The following RBFOX1 variants were observed in gnomAD, a reference collection of about 807,000 sequenced individuals.
RBFOX1 encodes RNA binding protein fox-1 homolog 1.
Under a neutral mutation model 57.7 loss-of-function variants are expected in RBFOX1, and 8 were observed. That is an observed-to-expected ratio of 0.14 (90% confidence interval 0.08 to 0.25). The LOEUF is 0.25. Among genes scored for constraint, RBFOX1 ranks in the 10% least tolerant of loss-of-function variants. The pLI, the probability that RBFOX1 is intolerant of heterozygous loss-of-function variation, is 1.00. For synonymous variants in RBFOX1, 326 were observed against 222.4 expected, an observed-to-expected ratio of 1.47 and a Z score of -4.15; for missense variants, 611 against 548.5, an observed-to-expected ratio of 1.11 and a Z score of -1.14.
At position 7,572,489 on chromosome 16, in the gene RBFOX1, G is replaced by C. The variant is rs1193215264; in HGVS notation, c.271-7288G>C. Among the ~76,000 whole-genome samples the C allele has an allele frequency of 2.6e-5, 4 of 152,168 alleles. No homozygotes were observed. The East Asian group carries it at 7.7e-4, about 29-fold the overall frequency. ...CGGGTAGGCGACTGGCATGTGGTGG[G>C]TGGAGGCCAGTGATGCTGTTGAACA... On this transcript the variant is annotated intron_variant, in intron 5 of 15. Coordinates refer to ENST00000550418, the MANE Select transcript of RBFOX1 (RefSeq NM_018723.4).
At chr16:7,487,733 A>G (rs760783028) in intron 4 of RBFOX1, among the ~76,000 whole-genome samples, 2 of 152,168 alleles carry the variant, frequency 1.3e-5, no homozygotes, top group Non-Finnish European at 2.9e-5. Flanking sequence ...TCTCTGGAGC[A>G]GTCTGGATGC....
intron 1 of RBFOX1, among the ~76,000 whole-genome samples, chr16:6,315,361 G>GAT (rs1409200375): frequency 1.4e-5 from 2 of 146,622 alleles, no homozygotes; most frequent in Admixed American, 6.9e-5. Flanking sequence ...TGAATGGGTG[G>GAT]GTGGATGGAT....
chr16:7,629,552 AC>A (rs2060607486), intron 10 of RBFOX1, among the ~76,000 whole-genome samples: 1 of 152,120 alleles, frequency 6.6e-6, no homozygotes. Context: ...TATTTCCATC[AC>A]CAGTAATGGC....
chr16:7,411,563 G>A (rs745431013), intron 4 of RBFOX1, among the ~76,000 whole-genome samples: 3 of 152,310 alleles, frequency 2.0e-5, no homozygotes, highest in South Asian at 2.1e-4. Context: ...TCAACTTCCA[G>A]TTGAGGGACA....
At chr16:7,188,260 A>G (rs17560793) in intron 4 of RBFOX1, among the ~76,000 whole-genome samples, 20,546 of 152,262 alleles carry the variant, frequency 0.13, 1,422 homozygotes, top group Middle Eastern at 0.22. Context: ...GGCTGCAGAG[A>G]TGGAAAAGTT....
At chr16:6,377,651 A>T (rs1011656197) in intron 2 of RBFOX1, among the ~76,000 whole-genome samples, 10 of 151,620 alleles carry the variant, frequency 6.6e-5, no homozygotes, top group Non-Finnish European at 7.4e-5. Flanking sequence ...CTCTTAAAAG[A>T]CTCCTCAAGA....
At chr16:5,996,095 C>T (rs1457638091) in intron 4 of RBFOX1, among the ~76,000 whole-genome samples, 1 of 152,106 alleles carries the variant, frequency 6.6e-6, no homozygotes, top group Non-Finnish European at 1.5e-5. Flanking sequence ...ACATAATCAT[C>T]TCTGAAGGAT....
intron 3 of RBFOX1, among the ~76,000 whole-genome samples, chr16:5,766,997 C>G (rs768598416): frequency 6.6e-6 from 1 of 152,178 alleles, no homozygotes; most frequent in African/African-American, 2.4e-5. Flanking sequence ...TTTTCTGTAT[C>G]TGTTAGTTTG....
At chr16:7,387,508 C>G (rs1045757022) in intron 4 of RBFOX1, among the ~76,000 whole-genome samples, 13 of 152,166 alleles carry the variant, frequency 8.5e-5, no homozygotes, top group African/African-American at 1.7e-4. Context: ...GGTCTCGTTT[C>G]TTATCAAAAT....
intron 3 of RBFOX1, among the ~76,000 whole-genome samples, chr16:6,812,663 T>C (rs2089011423): frequency 6.6e-6 from 1 of 152,154 alleles, no homozygotes; most frequent in Non-Finnish European, 1.5e-5. Context: ...AGGCGTGAGC[T>C]ACCACGCCTG....
At chr16:5,542,648 C>G (rs201439049) in intron 2 of RBFOX1, among the ~76,000 whole-genome samples, 1 of 152,096 alleles carries the variant, frequency 6.6e-6, no homozygotes, top group Non-Finnish European at 1.5e-5. Flanking sequence ...AAAGACCACG[C>G]AACACTTCCA....
intron 1 of RBFOX1, among the ~76,000 whole-genome samples, chr16:6,223,015 A>C (rs1189078671): frequency 6.7e-6 from 1 of 149,892 alleles, no homozygotes; most frequent in Non-Finnish European, 1.5e-5. Context: ...CCATGTCCCT[A>C]CAAAGGACAT....
chr16:6,862,106 C>T (rs755714686), intron 3 of RBFOX1, among the ~76,000 whole-genome samples: 5 of 152,074 alleles, frequency 3.3e-5, no homozygotes, highest in African/African-American at 4.8e-5. Context: ...GTGAGGGATA[C>T]TTGGAAAGGA....
At chr16:7,249,664 C>G (rs910753610) in intron 4 of RBFOX1, among the ~76,000 whole-genome samples, 1 of 150,836 alleles carries the variant, frequency 6.6e-6, no homozygotes, top group African/African-American at 2.4e-5. Flanking sequence ...TGAATGGGTA[C>G]CAGATTTATT....
chr16:6,898,752 A>T (rs1359460249), intron 3 of RBFOX1, among the ~76,000 whole-genome samples: 1 of 152,036 alleles, frequency 6.6e-6, no homozygotes, highest in Non-Finnish European at 1.5e-5. Flanking sequence ...GTGTCCATAT[A>T]TATAATACGT....
intron 1 of RBFOX1, among the ~76,000 whole-genome samples, chr16:5,252,246 T>C (rs1254901046): frequency 6.6e-6 from 1 of 152,088 alleles, no homozygotes; most frequent in East Asian, 1.9e-4. Flanking sequence ...TCTCTGTGAG[T>C]TTCAAGCTCT....
At chr16:7,487,466 C>T (rs1396031080) in intron 4 of RBFOX1, among the ~76,000 whole-genome samples, 2 of 152,172 alleles carry the variant, frequency 1.3e-5, no homozygotes, top group Non-Finnish European at 2.9e-5. Flanking sequence ...CAGTGAATTT[C>T]ACCTGCGTGA....
chr16:5,251,352 G>A (rs560814220), intron 1 of RBFOX1, among the ~76,000 whole-genome samples: 1 of 152,254 alleles, frequency 6.6e-6, no homozygotes, highest in Non-Finnish European at 1.5e-5. Flanking sequence ...TTGACAGCAC[G>A]TTCACGGCGC....
chr16:6,780,444 A>ATATATATTTATATATATATT (rs1567217458), intron 3 of RBFOX1, among the ~76,000 whole-genome samples: 5 of 113,336 alleles, frequency 4.4e-5, no homozygotes, highest in African/African-American at 1.8e-4. Context: ...AGATATATTT[A>ATATATATTTATATATATATT]TATATACATT....
Sources: gnomAD v4.1 joint callset for allele counts (sites outside exome capture counted in the v4.1 genomes callset) on GRCh38, gnomAD v4.1.1 for gene constraint, MANE v1.5 for transcripts, NCBI Gene and HGNC (gene_info 2026-07-23, HGNC 2026-07-21) for gene names.